SNX29: variants seen among roughly 807,000 people sequenced by gnomAD.
SNX29 encodes sorting nexin-29.
Under a neutral mutation model 102.1 loss-of-function variants are expected in SNX29, and 78 were observed. That is an observed-to-expected ratio of 0.76 (90% CI 0.64 to 0.92). SNX29 has a LOEUF of 0.92. Among genes scored for constraint, SNX29 ranks in the 40% least tolerant of loss-of-function variants. The probability of loss-of-function intolerance (pLI) is 0.00; values close to 1 mark genes in which losing one functional copy is unlikely to be tolerated. For synonymous variants in SNX29, 580 were observed against 414.5 expected, an observed-to-expected ratio of 1.40 and a Z score of -4.85; for missense variants, 1,280 against 1,061.7, an observed-to-expected ratio of 1.21 and a Z score of -2.86.
chr16:12,439,048 A>G (rs911998858), intron 18 of SNX29, among the ~76,000 whole-genome samples: 1 of 152,224 alleles, frequency 6.6e-6, no homozygotes, highest in African/African-American at 2.4e-5. Context: ...CTTCCAAGGC[A>G]GGGCTCAGAG....
At chr16:12,235,831 T>C (rs2077914534) in intron 14 of SNX29, among the ~76,000 whole-genome samples, 2 of 151,466 alleles carry the variant, frequency 1.3e-5, no homozygotes, top group African/African-American at 4.9e-5. Context: ...GTGTGTGTGC[T>C]TGGAGTGTAG....
intron 11 of SNX29, among the ~76,000 whole-genome samples, chr16:12,115,393 G>A (rs1352265460): frequency 6.6e-6 from 1 of 152,010 alleles, no homozygotes; most frequent in African/African-American, 2.4e-5. Flanking sequence ...ACACAGCAGG[G>A]TCAGACATGC....
intron 16 of SNX29, among the ~76,000 whole-genome samples, chr16:12,364,690 A>G (rs562306590): frequency 5.9e-5 from 9 of 152,182 alleles, no homozygotes; most frequent in African/African-American, 9.7e-5. Context: ...GGATGCAAAC[A>G]CGAGCTCACT....
intron 19 of SNX29, among the ~76,000 whole-genome samples, chr16:12,500,052 C>A (rs1047449394): frequency 1.3e-5 from 2 of 151,888 alleles, no homozygotes; most frequent in African/African-American, 4.8e-5. Context: ...AGTACAGTGG[C>A]GTGATCATAG....
chr16:12,448,675 G>A (rs917339988), intron 18 of SNX29, among the ~76,000 whole-genome samples: 2 of 152,056 alleles, frequency 1.3e-5, no homozygotes, highest in African/African-American at 2.4e-5. Flanking sequence ...TGACTTTATC[G>A]CATTCCACCC....
At position 12,524,713 on chromosome 16, in the gene SNX29, T is replaced by C. The variant is rs1380283988; in HGVS notation, c.2190T>C (p.Phe730=). The C allele has an allele frequency of 3.7e-6, 6 of 1,613,020 alleles. No individual in the cohort carries two copies. Among genetic ancestry groups the C allele is most frequent in the Non-Finnish European group, 5.1e-6 (6 of 1,179,532 alleles). ...KKAIGNKDAK[F]VEERRKQLQN... Reference sequence around the variant, plus strand: ...TTGTGTTTCCTCAGGATGCCAAGTTTGTGGAGGAACGGAGAAAGCAGCTCC... The same window carrying C: ...TTGTGTTTCCTCAGGATGCCAAGTTCGTGGAGGAACGGAGAAAGCAGCTCC... The change falls in exon 20 of 21, where the codon TTT becomes TTC. Residue 730 remains phenylalanine, a synonymous_variant. Coordinates refer to ENST00000566228, the MANE Select transcript of SNX29 (RefSeq NM_032167.5).
Position 12,573,851 on chromosome 16 carries a change from A to G in SNX29, c.*5222A>G, listed in dbSNP as rs928834690. On this transcript the variant is annotated 3_prime_UTR_variant, in exon 21 of 21. Transcript: ENST00000566228. Reference sequence around the variant, plus strand: ...TTTATTATCCAGGACTCATCCTAAGAAGAATGTTGGCCTCTCTTCATCCCT... The same window carrying G: ...TTTATTATCCAGGACTCATCCTAAGGAGAATGTTGGCCTCTCTTCATCCCT... 5 of 211,122 alleles carry G rather than the reference A, an allele frequency of 2.4e-5. No homozygotes were observed. The highest frequency in any genetic ancestry group is 4.6e-5 in the African/African-American group (2 of 43,068). The allele number at this position is 211,122 out of a possible 1,614,324, so 13.1% of individuals were successfully genotyped here. A position where few individuals can be genotyped will look rare whatever the true frequency, so the allele number is the denominator to read the frequency against.
rs1219336406 is a variant in SNX29, at chr16:12,574,026, A to T, written c.*5397A>T. The T allele has an allele frequency of 5.1e-6, 1 of 195,384 alleles. No homozygotes were observed. The highest frequency in any genetic ancestry group is 2.3e-5 in the African/African-American group (1 of 43,210). 12.1% of individuals were successfully genotyped at this position (195,384 alleles called of 1,614,324 possible). A position where few individuals can be genotyped will look rare whatever the true frequency, so the allele number is the denominator to read the frequency against. On this transcript the variant is annotated 3_prime_UTR_variant, in exon 21 of 21. Coordinates refer to ENST00000566228, the MANE Select transcript of SNX29 (RefSeq NM_032167.5). ...CCCCTTAAGGGTAAGCAGGCCACAT[A>T]TCTAGAGTCTGATAGTCTGTGTGTA...
intron 14 of SNX29, among the ~76,000 whole-genome samples, chr16:12,247,304 A>C (rs1457925068): frequency 6.6e-6 from 1 of 152,208 alleles, no homozygotes; most frequent in Non-Finnish European, 1.5e-5. Flanking sequence ...GGACAAGACC[A>C]GGAGTCCATG....
At chr16:12,566,859 T>C (rs2079032766) in intron 20 of SNX29, among the ~76,000 whole-genome samples, 1 of 152,224 alleles carries the variant, frequency 6.6e-6, no homozygotes, top group South Asian at 2.1e-4. Flanking sequence ...TTTTCATCCA[T>C]GCACAGAAGG....
At chr16:12,558,385 CAT>C (rs1195332693) in intron 20 of SNX29, among the ~76,000 whole-genome samples, 9 of 152,284 alleles carry the variant, frequency 5.9e-5, no homozygotes, top group East Asian at 5.8e-4. Flanking sequence ...CGGAATTTTA[CAT>C]AGAGTGATAT....
chr16:12,472,302 C>A (rs2087384989), intron 18 of SNX29, among the ~76,000 whole-genome samples: 1 of 152,046 alleles, frequency 6.6e-6, no homozygotes, highest in African/African-American at 2.4e-5. Context: ...GGGTAGATCA[C>A]CTGAGGCCAG....
At chr16:12,475,288 C>T (rs1044392268) in intron 18 of SNX29, among the ~76,000 whole-genome samples, 2 of 152,168 alleles carry the variant, frequency 1.3e-5, no homozygotes, top group African/African-American at 4.8e-5. Context: ...GCCACCCACC[C>T]AGTGGTTGGT....
chr16:12,357,813 T>C (rs1278819388), intron 16 of SNX29, among the ~76,000 whole-genome samples: 1 of 152,224 alleles, frequency 6.6e-6, no homozygotes, highest in Non-Finnish European at 1.5e-5. Flanking sequence ...TCTCCCCTTC[T>C]CTCTCATAAT....
At chr16:12,413,749 G>C (rs1457271767) in intron 18 of SNX29, among the ~76,000 whole-genome samples, 1 of 152,216 alleles carries the variant, frequency 6.6e-6, no homozygotes, top group Non-Finnish European at 1.5e-5. Context: ...CAGGCGCCCT[G>C]CCCCGCACTT....
At chr16:12,522,302 C>T (rs183873351) in intron 19 of SNX29, among the ~76,000 whole-genome samples, 18 of 152,062 alleles carry the variant, frequency 1.2e-4, no homozygotes, top group Admixed American at 1.3e-4. Context: ...CGTGTATTCT[C>T]ATTCGCTCAG....
chr16:12,110,677 A>G (rs548222564), intron 11 of SNX29, among the ~76,000 whole-genome samples: 6 of 152,216 alleles, frequency 3.9e-5, no homozygotes, highest in African/African-American at 1.4e-4. Flanking sequence ...ACTTCACACA[A>G]TGCCTTGGTA....
chr16:12,553,225 G>A (rs539500318), intron 20 of SNX29, among the ~76,000 whole-genome samples: 1 of 152,136 alleles, frequency 6.6e-6, no homozygotes, highest in African/African-American at 2.4e-5. Context: ...TCGCAGATGG[G>A]GACTTGAGAA....
At chr16:12,182,682 C>T (rs1428456178) in intron 13 of SNX29, among the ~76,000 whole-genome samples, 1 of 152,094 alleles carries the variant, frequency 6.6e-6, no homozygotes, top group Non-Finnish European at 1.5e-5. Flanking sequence ...CACCTCCCAG[C>T]ACTTTGGGAC....
Sources: allele counts gnomAD v4.1 joint callset (sites outside exome capture counted in the v4.1 genomes callset), GRCh38; gene constraint gnomAD v4.1.1; transcripts MANE v1.5; gene names NCBI Gene and HGNC (gene_info 2026-07-23, HGNC 2026-07-21).